FUT9: variants seen among roughly 807,000 people sequenced by gnomAD.
The protein encoded by FUT9 is 4-galactosyl-N-acetylglucosaminide 3-alpha-L-fucosyltransferase 9.
A neutral mutation model predicts 29.7 loss-of-function variants in FUT9; 15 were observed. The ratio of observed to expected loss-of-function variants is 0.51; its 90% CI spans 0.34 to 0.78. The LOEUF (loss-of-function observed/expected upper bound fraction) is 0.78. Among genes scored for constraint, FUT9 ranks in the 30% least tolerant of loss-of-function variants. The pLI is 0.01. For missense variants in FUT9, 319 were observed against 425.4 expected, an observed-to-expected ratio of 0.75 and a Z score of 2.20; for synonymous variants, 169 against 153.7, an observed-to-expected ratio of 1.10 and a Z score of -0.74.
chr6:96,046,125 G>A (rs1170633023), intron 1 of FUT9, among the ~76,000 whole-genome samples: 1 of 149,458 alleles, frequency 6.7e-6, no homozygotes. Flanking sequence ...CCCTTGATAA[G>A]CTCTACAGCA....
intron 1 of FUT9, among the ~76,000 whole-genome samples, chr6:96,099,601 A>T (rs1771553746): frequency 6.6e-6 from 1 of 152,142 alleles, no homozygotes; most frequent in Non-Finnish European, 1.5e-5. Flanking sequence ...AGTGTTCCTG[A>T]ATATTTATGC....
chr6:96,203,782 A>C lies in FUT9; in HGVS notation c.627A>C (p.Leu209=). 6.2e-7 allele frequency: 1 copy of C among 1,613,974 alleles called. No individual in the cohort carries two copies. Residue 209 remains leucine, a synonymous_variant, in exon 3 of 3, where the codon CTA becomes CTC. Coordinates refer to ENST00000302103, the MANE Select transcript of FUT9 (RefSeq NM_006581.4). ...CCAGAGTCAAGTATTACAATGAGCT[A>C]AGCAAAAGCATTGAAATCCATACCT... ...EHARVKYYNE[L]SKSIEIHTYG...
At chr6:96,108,364 T>C (rs1005838764) in intron 1 of FUT9, among the ~76,000 whole-genome samples, 2 of 152,194 alleles carry the variant, frequency 1.3e-5, no homozygotes, top group African/African-American at 2.4e-5. Context: ...ACTTACAAGC[T>C]GAATGACCTT....
chr6:96,169,798 G>A (rs1299310137), intron 2 of FUT9, among the ~76,000 whole-genome samples: 3 of 151,908 alleles, frequency 2.0e-5, no homozygotes, highest in African/African-American at 7.3e-5. Context: ...CTCATTTGGC[G>A]AAATTTAAAG....
At chr6:96,182,571 T>C (rs1158777233) in intron 2 of FUT9, among the ~76,000 whole-genome samples, 1 of 152,100 alleles carries the variant, frequency 6.6e-6, no homozygotes, top group Non-Finnish European at 1.5e-5. Flanking sequence ...ATTTAAGTCC[T>C]TGATCCATCT....
intron 1 of FUT9, among the ~76,000 whole-genome samples, chr6:96,073,332 C>T (rs978888865): frequency 6.6e-6 from 1 of 151,880 alleles, no homozygotes; most frequent in South Asian, 2.1e-4. Flanking sequence ...CCCTGTAGTC[C>T]CAGCTACTCG....
chr6:96,161,748 AC>A (rs1408961005), intron 2 of FUT9, among the ~76,000 whole-genome samples: 1 of 152,226 alleles, frequency 6.6e-6, no homozygotes, highest in Non-Finnish European at 1.5e-5. Context: ...TTAAATCAGT[AC>A]CTATAACTTC....
chr6:96,112,720 C>G (rs539877829), intron 1 of FUT9, among the ~76,000 whole-genome samples: 2 of 152,070 alleles, frequency 1.3e-5, no homozygotes, highest in Admixed American at 6.6e-5. Flanking sequence ...CAAGTATTTT[C>G]GGTTAGTTCT....
At chr6:96,169,474 AT>A (rs1336032936) in intron 2 of FUT9, among the ~76,000 whole-genome samples, 2 of 152,030 alleles carry the variant, frequency 1.3e-5, no homozygotes, top group Admixed American at 6.6e-5. Flanking sequence ...GTAACAATTT[AT>A]TTTTCATTAT....
At chr6:96,076,283 T>A (rs1359946588) in intron 1 of FUT9, among the ~76,000 whole-genome samples, 3 of 152,214 alleles carry the variant, frequency 2.0e-5, no homozygotes, top group Non-Finnish European at 2.9e-5. Context: ...GAGGAAATAT[T>A]AATAGTGATT....
At chr6:96,045,828 CTGGCGGGTACTT>C (rs1770553351) in intron 1 of FUT9, among the ~76,000 whole-genome samples, 1 of 152,222 alleles carries the variant, frequency 6.6e-6, no homozygotes, top group Non-Finnish European at 1.5e-5. Flanking sequence ...TTGCCCATTC[CTGGCGGGTACTT>C]TTTTGCAGTT....
chr6:96,047,110 T>C (rs1336125241), intron 1 of FUT9, among the ~76,000 whole-genome samples: 1 of 152,218 alleles, frequency 6.6e-6, no homozygotes, highest in Non-Finnish European at 1.5e-5. Context: ...GAAGCTCATA[T>C]GGTTTGGAGC....
intron 2 of FUT9, among the ~76,000 whole-genome samples, chr6:96,136,524 T>C (rs1381166022): frequency 1.3e-5 from 2 of 152,020 alleles, no homozygotes; most frequent in Non-Finnish European, 2.9e-5. Flanking sequence ...ATGCTTATTA[T>C]ATTTTATCTT....
chr6:96,171,844 A>G (rs552265301), intron 2 of FUT9, among the ~76,000 whole-genome samples: 98 of 152,242 alleles, frequency 6.4e-4, no homozygotes, highest in Middle Eastern at 6.8e-3. Flanking sequence ...GTGTCCTGAA[A>G]CACCATCCTA....
At chr6:96,191,237 A>T (rs977953861) in intron 2 of FUT9, among the ~76,000 whole-genome samples, 2 of 152,126 alleles carry the variant, frequency 1.3e-5, no homozygotes, top group East Asian at 3.9e-4. Context: ...ATCAGAGCAG[A>T]ACTGAAGGAA....
chr6:96,199,512 G>A (rs1424634301), intron 2 of FUT9, among the ~76,000 whole-genome samples: 3 of 152,020 alleles, frequency 2.0e-5, no homozygotes, highest in Non-Finnish European at 2.9e-5. Context: ...TAGAAGAAAC[G>A]TCGTTTCTGT....
intron 1 of FUT9, among the ~76,000 whole-genome samples, chr6:96,099,887 T>C (rs1237010034): frequency 6.6e-6 from 1 of 152,154 alleles, no homozygotes; most frequent in Non-Finnish European, 1.5e-5. Context: ...ATGTGCAATC[T>C]TTATTAATTG....
intron 2 of FUT9, among the ~76,000 whole-genome samples, chr6:96,189,287 T>A (rs1048196999): frequency 6.6e-6 from 1 of 152,030 alleles, no homozygotes; most frequent in African/African-American, 2.4e-5. Flanking sequence ...GAATGCAACA[T>A]TGGCATGTGC....
intron 1 of FUT9, among the ~76,000 whole-genome samples, chr6:96,111,317 A>G (rs2127960741): frequency 6.6e-6 from 1 of 152,314 alleles, no homozygotes; most frequent in East Asian, 1.9e-4. Flanking sequence ...TAGAAAAGCA[A>G]AAGAGAAAAA....
Sources: allele counts gnomAD v4.1 joint callset (sites outside exome capture counted in the v4.1 genomes callset), GRCh38; gene constraint gnomAD v4.1.1; transcripts MANE v1.5; gene names NCBI Gene and HGNC (gene_info 2026-07-23, HGNC 2026-07-21).